PCDH15: variants seen among roughly 807,000 people sequenced by gnomAD.
PCDH15 encodes protocadherin-15.
PCDH15 carries 129 observed loss-of-function variants against 178.5 expected under a neutral mutation model. The ratio of observed to expected loss-of-function variants is 0.72; its 90% CI spans 0.63 to 0.84. The LOEUF (loss-of-function observed/expected upper bound fraction) is 0.84, where lower values mean the gene tolerates loss of function less well. Among genes scored for constraint, PCDH15 ranks in the 40% least tolerant of loss-of-function variants. The pLI, the probability that PCDH15 is intolerant of heterozygous loss-of-function variation, is 0.00. For missense variants in PCDH15, 2,230 were observed against 2,099.9 expected (o/e 1.06, Z -1.21); for synonymous variants, 800 against 732.0 (o/e 1.09, Z -1.50).
At chr10:54,748,264 C>T (rs574605056) in intron 1 of PCDH15, among the ~76,000 whole-genome samples, 122 of 152,180 alleles carry the variant, frequency 8.0e-4, no homozygotes, top group Non-Finnish European at 3.4e-4. Flanking sequence ...AATGTTGAAA[C>T]ACCTCCCATA....
chr10:53,856,270 T>A (rs993785346), intron 28 of PCDH15, among the ~76,000 whole-genome samples: 6 of 151,794 alleles, frequency 4.0e-5, no homozygotes, highest in Non-Finnish European at 8.8e-5. Context: ...TAATGGCAGC[T>A]AAATTAGGGT....
intron 2 of PCDH15, among the ~76,000 whole-genome samples, chr10:55,338,209 T>C (rs1004870359): frequency 6.6e-6 from 1 of 152,118 alleles, no homozygotes; most frequent in African/African-American, 2.4e-5. Flanking sequence ...TTGGTGGGAA[T>C]GTAAGTTAGT....
At chr10:54,604,613 C>CATAA (rs144070067) in intron 2 of PCDH15, among the ~76,000 whole-genome samples, 15,493 of 151,860 alleles carry the variant, frequency 0.1, 931 homozygotes, top group Middle Eastern at 0.16. Flanking sequence ...TTACCATTTG[C>CATAA]ATAAAATATA....
At chr10:53,858,305 T>A (rs1410190703) in intron 27 of PCDH15, among the ~76,000 whole-genome samples, 1 of 152,068 alleles carries the variant, frequency 6.6e-6, no homozygotes, top group Admixed American at 6.6e-5. Flanking sequence ...TCCAGATTCT[T>A]TACATATAGA....
chr10:55,152,470 G>A (rs1419294130), intron 2 of PCDH15, among the ~76,000 whole-genome samples: 1 of 152,156 alleles, frequency 6.6e-6, no homozygotes, highest in Non-Finnish European at 1.5e-5. Context: ...AAGAGAAAAT[G>A]GTGGCAGATA....
rs867762317 is a variant in PCDH15, at chr10:54,462,711, T to A, written c.157+65101A>T. ...TTTTTTTTTTTTTTTTTTTTTTTTT[T>A]AAGTAGAGACAGGGTTTTGCTATGT... On this transcript the variant is annotated intron_variant, in intron 3 of 37. Coordinates refer to ENST00000644397, the MANE Select transcript of PCDH15 (RefSeq NM_001384140.1). 6.5e-3 allele frequency among the ~76,000 whole-genome samples: 887 copies of A among 136,752 alleles called. 11 individuals are homozygous for A. The highest frequency in any genetic ancestry group is 0.023 in the African/African-American group (782 of 34,362). 89.7% of individuals were successfully genotyped at this position (136,752 alleles called of 152,430 possible).
chr10:55,436,210 A>G (rs183483331), intron 2 of PCDH15, among the ~76,000 whole-genome samples: 1 of 152,096 alleles, frequency 6.6e-6, no homozygotes, highest in African/African-American at 2.4e-5. Context: ...AAACATAAAT[A>G]CTTTATTTAG....
intron 2 of PCDH15, among the ~76,000 whole-genome samples, chr10:54,553,633 G>A (rs552073147): frequency 2.6e-5 from 4 of 152,086 alleles, no homozygotes; most frequent in Non-Finnish European, 5.9e-5. Flanking sequence ...ACTTCAGAAG[G>A]TTCCTCCTCG....
intron 25 of PCDH15, among the ~76,000 whole-genome samples, chr10:53,927,039 A>C (rs572679316): frequency 2.6e-5 from 4 of 152,314 alleles, no homozygotes; most frequent in South Asian, 4.1e-4. Flanking sequence ...ACAAAAAAAC[A>C]GAATCATATT....
At chr10:54,198,205 C>T (rs1020197) in intron 10 of PCDH15, among the ~76,000 whole-genome samples, 137,877 of 152,174 alleles carry the variant, frequency 0.91, 62,650 homozygotes, top group East Asian at 0.98. Context: ...TAATTTGTGC[C>T]GAGCGATGGA....
intron 3 of PCDH15, among the ~76,000 whole-genome samples, chr10:54,878,235 T>A (rs181061751): frequency 5.3e-5 from 8 of 152,234 alleles, no homozygotes; most frequent in African/African-American, 1.7e-4. Flanking sequence ...AGTGCTGGGA[T>A]TACAGGCATG....
In PCDH15 at chr10:54,706,230, A is replaced by G. The variant is rs199666776; in HGVS notation, c.-28-41940T>C. Among the ~76,000 whole-genome samples, 10 of 152,282 alleles carry G rather than the reference A, an allele frequency of 6.6e-5. No homozygotes were observed. In the East Asian group the frequency reaches 1.9e-3, roughly 29 times the overall value. ...AGTATGGCTGAAATATGTACATTTA[A>G]ATTATCTTTAATATAGAAAACAAAC... is the stretch of plus-strand genomic sequence containing the variant. On this transcript the variant is annotated intron_variant, in intron 1 of 37. Transcript: ENST00000644397.
intron 18 of PCDH15, among the ~76,000 whole-genome samples, chr10:54,055,421 T>C (rs1229463084): frequency 6.6e-6 from 1 of 152,226 alleles, no homozygotes; most frequent in Non-Finnish European, 1.5e-5. Context: ...CTCTATATTA[T>C]ACAATGCTGA....
intron 2 of PCDH15, among the ~76,000 whole-genome samples, chr10:55,059,821 A>G (rs1359534787): frequency 6.6e-6 from 1 of 152,112 alleles, no homozygotes. Flanking sequence ...CACCTAATAA[A>G]TGTTATTTAA....
rs143454849 is a variant in PCDH15, at chr10:55,263,416, C to T, written c.-156+56183G>A. ...CCTAGAGGTGCCACCTATGCCTCCA[C>T]CCCAACAGCCGCAGGCATGCATGAC... is the stretch of plus-strand genomic sequence containing the variant. On this transcript the variant is annotated intron_variant, in intron 1 of 5. Transcript: ENST00000458638. Among the ~76,000 whole-genome samples, 1,151 of 152,278 alleles carry T rather than the reference C, an allele frequency of 7.6e-3. 11 individuals carry two copies. The highest frequency in any genetic ancestry group is 0.026 in the African/African-American group (1,081 of 41,556).
rs78288638 is a variant in PCDH15, at chr10:55,564,821, A to C, written c.-156+62804T>G. Among the ~76,000 whole-genome samples, 418 of 151,884 alleles carry C rather than the reference A, an allele frequency of 2.8e-3. 1 individual carries two copies. The highest frequency in any genetic ancestry group is 9.8e-3 in the African/African-American group (405 of 41,522). ...TCAATATTCCAAGAAGCTATAATAA[A>C]TATCAACATGTACATAACAGACTAT... On this transcript the variant is annotated intron_variant, in intron 2 of 5. Coordinates refer to the PCDH15 transcript ENST00000613346.
intron 2 of PCDH15, among the ~76,000 whole-genome samples, chr10:55,456,957 T>G (rs1283837143): frequency 6.6e-6 from 1 of 152,028 alleles, no homozygotes; most frequent in Non-Finnish European, 1.5e-5. Context: ...CACCAATTAA[T>G]CATGCCACTG....
intron 3 of PCDH15, among the ~76,000 whole-genome samples, chr10:54,852,915 G>A (rs1953650404): frequency 6.6e-6 from 1 of 150,804 alleles, no homozygotes. Flanking sequence ...TTTTATTTTA[G>A]TTAATTTGGT....
At chr10:54,179,838 A>G (rs183106082) in intron 13 of PCDH15, among the ~76,000 whole-genome samples, 41 of 152,310 alleles carry the variant, frequency 2.7e-4, no homozygotes, top group African/African-American at 9.6e-4. Context: ...AGTTTAAGAG[A>G]ATTGCAGATG....
Sources: allele counts gnomAD v4.1 joint callset (sites outside exome capture counted in the v4.1 genomes callset), GRCh38; gene constraint gnomAD v4.1.1; transcripts MANE v1.5; gene names NCBI Gene and HGNC (gene_info 2026-07-23, HGNC 2026-07-21).